Variants in PHLPP2 observed in about 807,000 individuals in gnomAD.
PHLPP2 encodes PH domain leucine-rich repeat-containing protein phosphatase 2.
PHLPP2 carries 66 observed loss-of-function variants against 124.9 expected under a neutral mutation model. The observed-to-expected ratio is 0.53, with a 90% CI of 0.43 to 0.65. The LOEUF (loss-of-function observed/expected upper bound fraction) is 0.65. Ranked by LOEUF, PHLPP2 falls within the 30% of genes least tolerant of loss-of-function variation. The probability of loss-of-function intolerance (pLI) is 0.00; values close to 1 mark genes in which losing one functional copy is unlikely to be tolerated. For synonymous variants in PHLPP2, 681 were observed against 624.7 expected (o/e 1.09, Z -1.34); for missense variants, 1,685 against 1,600.4 (o/e 1.05, Z -0.90).
intron 3 of PHLPP2, among the ~76,000 whole-genome samples, chr16:71,699,767 A>C (rs1425657840): frequency 6.6e-6 from 1 of 152,212 alleles, no homozygotes; most frequent in African/African-American, 2.4e-5. Flanking sequence ...GAGAGGTAAG[A>C]GAGCATTATA....
At chr16:71,669,980 G>A (rs1217784479) in intron 10 of PHLPP2, among the ~76,000 whole-genome samples, 1 of 152,156 alleles carries the variant, frequency 6.6e-6, no homozygotes, top group East Asian at 1.9e-4. Flanking sequence ...ATGAAGCAGC[G>A]CTATGTAAGA....
chr16:71,687,242 C>G (rs1186502400), intron 4 of PHLPP2, among the ~76,000 whole-genome samples: 1 of 152,046 alleles, frequency 6.6e-6, no homozygotes, highest in African/African-American at 2.4e-5. Context: ...AATCTTTGGC[C>G]CAGTTTTTTA....
chr16:71,691,337 T>G (rs1052307936), intron 3 of PHLPP2, among the ~76,000 whole-genome samples: 2 of 151,960 alleles, frequency 1.3e-5, no homozygotes, highest in African/African-American at 2.4e-5. Context: ...GGCGGACACC[T>G]ATAGTCCCAG....
chr16:71,709,827 A>G (rs747259450), intron 2 of PHLPP2, among the ~76,000 whole-genome samples: 3 of 152,064 alleles, frequency 2.0e-5, no homozygotes, highest in African/African-American at 4.8e-5. Context: ...GTTGTCCCAC[A>G]CACATTTTTC....
intron 12 of PHLPP2, among the ~76,000 whole-genome samples, chr16:71,664,581 T>C (rs1213241086): frequency 8.6e-5 from 13 of 151,856 alleles, no homozygotes; most frequent in Non-Finnish European, 1.5e-5. Flanking sequence ...ACCCCGTCTC[T>C]ACTAAAAAAA....
rs1033328590 is a variant in PHLPP2 at position 71,702,721 on chromosome 16, G to A, written c.295C>T (p.Pro99Ser). ...ACGATCTGAAGAGGTCGTTCAGTAG[G>A]TTCCAGTCTCCTGATTACACAATTC... ...LHGDLVRRLEPTERPLQIVYD... is the reference protein window; with the variant it reads ...LHGDLVRRLESTERPLQIVYD... The change falls in exon 3 of 19, where the codon CCT (proline) becomes TCT (serine). Residue 99 changes from proline (P) to serine (S), a missense_variant. By Grantham distance (74) the Pro-to-Ser change is moderately conservative. Coordinates refer to ENST00000568954, the MANE Select transcript of PHLPP2 (RefSeq NM_015020.3). 6.2e-7 allele frequency: 1 copy of A among 1,601,940 alleles called. No homozygotes were observed. The highest frequency in any genetic ancestry group is 8.5e-7 in the Non-Finnish European group (1 of 1,171,888).
At chr16:71,658,845 G>A in intron 13 of PHLPP2, 30 bp from the exon 14 acceptor site, 1 of 1,605,098 alleles carries the variant, frequency 6.2e-7, no homozygotes, top group Non-Finnish European at 8.5e-7. Context: ...ATACTATAAT[G>A]CACCAAGACT....
chr16:71,701,156 A>C (rs2045228846), intron 3 of PHLPP2, among the ~76,000 whole-genome samples: 1 of 148,580 alleles, frequency 6.7e-6, no homozygotes, highest in Non-Finnish European at 1.5e-5. Context: ...CCTCCAGCTA[A>C]ACTGCTCCTA....
intron 3 of PHLPP2, among the ~76,000 whole-genome samples, chr16:71,700,173 G>A (rs1194881990): frequency 2.0e-5 from 3 of 152,142 alleles, no homozygotes; most frequent in Non-Finnish European, 4.4e-5. Context: ...AAGATAGGAG[G>A]ATCACTTGAG....
chr16:71,709,410 G>A (rs983869700), intron 2 of PHLPP2, among the ~76,000 whole-genome samples: 62 of 151,828 alleles, frequency 4.1e-4, no homozygotes, highest in African/African-American at 1.4e-3. Flanking sequence ...AGAAATCTTA[G>A]TTTCTCTTCT....
intron 2 of PHLPP2, among the ~76,000 whole-genome samples, chr16:71,707,040 G>A (rs1052737538): frequency 4.0e-5 from 5 of 126,056 alleles, no homozygotes; most frequent in Non-Finnish European, 7.9e-5. Flanking sequence ...TGCAGGCTCC[G>A]CCCCCTGGGG....
chr16:71,716,501 A>G (rs1460819909), intron 1 of PHLPP2, among the ~76,000 whole-genome samples: 2 of 152,238 alleles, frequency 1.3e-5, no homozygotes, highest in Non-Finnish European at 2.9e-5. Context: ...ACAAGTTTCT[A>G]AAGATCAGCA....
intron 3 of PHLPP2, among the ~76,000 whole-genome samples, chr16:71,693,515 C>T (rs2045136300): frequency 6.6e-6 from 1 of 152,160 alleles, no homozygotes; most frequent in African/African-American, 2.4e-5. Context: ...CCTTCCTATT[C>T]CCTAGTTCAG....
chr16:71,705,305 T>A (rs547416567), intron 2 of PHLPP2, among the ~76,000 whole-genome samples: 2 of 152,280 alleles, frequency 1.3e-5, no homozygotes, highest in East Asian at 3.9e-4. Flanking sequence ...TATAATTCCA[T>A]ATAAGGACCA....
intron 2 of PHLPP2, among the ~76,000 whole-genome samples, chr16:71,710,624 G>A (rs1340318640): frequency 6.6e-6 from 1 of 152,210 alleles, no homozygotes; most frequent in East Asian, 1.9e-4. Flanking sequence ...GCTATCTGAA[G>A]TACAGCACAT....
intron 9 of PHLPP2, among the ~76,000 whole-genome samples, chr16:71,675,440 T>C (rs1162661524): frequency 1.3e-5 from 2 of 152,220 alleles, no homozygotes; most frequent in Admixed American, 6.5e-5. Flanking sequence ...CAAATCACTA[T>C]TGAAATCAGT....
intron 2 of PHLPP2, among the ~76,000 whole-genome samples, chr16:71,704,679 T>C (rs1201748648): frequency 6.6e-6 from 1 of 152,066 alleles, no homozygotes; most frequent in Non-Finnish European, 1.5e-5. Flanking sequence ...AAAGATTGAA[T>C]TAAAGAGAAA....
intron 2 of PHLPP2, among the ~76,000 whole-genome samples, chr16:71,710,584 G>C (rs1196441949): frequency 6.6e-6 from 1 of 152,130 alleles, no homozygotes; most frequent in Admixed American, 6.5e-5. Flanking sequence ...GCACTTGTTA[G>C]GTGCCAGACA....
intron 5 of PHLPP2, 57 bp from the exon 6 acceptor site, chr16:71,681,962 G>A: frequency 7.9e-7 from 1 of 1,264,984 alleles, no homozygotes; most frequent in Non-Finnish European, 1.1e-6. Flanking sequence ...CTATCACCCA[G>A]CAAAGAATGG....
Sources: gnomAD v4.1 joint callset for allele counts (sites outside exome capture counted in the v4.1 genomes callset) on GRCh38, gnomAD v4.1.1 for gene constraint, MANE v1.5 for transcripts, NCBI Gene and HGNC (gene_info 2026-07-23, HGNC 2026-07-21) for gene names.